DNAH6: variants seen among roughly 807,000 people sequenced by gnomAD.
DNAH6 encodes axonemal beta dynein heavy chain 6.
A neutral mutation model predicts 491.4 loss-of-function variants in DNAH6; 340 were observed. That is an observed-to-expected ratio of 0.69 (90% CI 0.63 to 0.76). The LOEUF (loss-of-function observed/expected upper bound fraction) is 0.76, where lower values mean the gene tolerates loss of function less well. Among genes scored for constraint, DNAH6 ranks in the 30% least tolerant of loss-of-function variants. DNAH6 has a pLI of 0.00. For synonymous variants in DNAH6, 1,603 were observed against 1,686.1 expected, an observed-to-expected ratio of 0.95 and a Z score of 1.21; for missense variants, 4,443 against 4,972.2, an observed-to-expected ratio of 0.89 and a Z score of 3.20.
At chr2:84,634,717 G>A in intron 30 of DNAH6, 76 bp downstream of exon 30, 1 of 1,390,338 alleles carries the variant, frequency 7.2e-7, no homozygotes, top group Non-Finnish European at 9.4e-7. Context: ...TTACATTTTA[G>A]GAAGGAGATG....
At chr2:84,772,829 C>A (rs1675761702) in intron 64 of DNAH6, among the ~76,000 whole-genome samples, 1 of 151,948 alleles carries the variant, frequency 6.6e-6, no homozygotes. Flanking sequence ...CTGTACCCAA[C>A]AATATCAGAA....
At chr2:84,544,604 T>C in intron 5 of DNAH6, 104 bp downstream of exon 5, 2 of 692,694 alleles carry the variant, frequency 2.9e-6, no homozygotes, top group East Asian at 2.8e-5. Context: ...AAATATTTTA[T>C]ATTCTTAAGA....
chr2:84,550,205 G>C, intron 9 of DNAH6, 148 bp downstream of exon 9: 1 of 648,244 alleles, frequency 1.5e-6, no homozygotes, highest in South Asian at 2.4e-5. Flanking sequence ...GGACACCAGA[G>C]ACCAGTTTCA....
chr2:84,726,432 C>T (rs1698637905), intron 60 of DNAH6, among the ~76,000 whole-genome samples: 2 of 152,204 alleles, frequency 1.3e-5, no homozygotes, highest in African/African-American at 4.8e-5. Flanking sequence ...CACATTCAGG[C>T]TCTGCTCAGC....
In DNAH6 at chr2:84,604,374, G is replaced by T. The variant is rs1370993042; in HGVS notation, c.2904G>T (p.Leu968Phe). Residue 968 changes from leucine (L) to phenylalanine (F), a missense_variant, in exon 19 of 77, where the codon TTG becomes TTT. This residue lies in a region of DNAH6 where 2,977 missense variants were observed against 3,296.6 expected (regional missense o/e 0.90). Coordinates refer to ENST00000389394, the MANE Select transcript of DNAH6 (RefSeq NM_001370.2). Reference protein sequence around the residue: ...PVIIDLRNPTLKARHWAAIEQ... With the variant: ...PVIIDLRNPTFKARHWAAIEQ... ...TCATTGACTTGAGGAACCCGACTTT[G>T]AAGGCAAGACATTGGGCAGCTATTG... 6.4e-7 allele frequency: 1 copy of T among 1,552,078 alleles called. No individual in the cohort carries two copies. Among genetic ancestry groups the T allele is most frequent in the Non-Finnish European group, 8.7e-7 (1 of 1,147,088 alleles).
At chr2:84,776,038 G>T (rs1676088961) in intron 64 of DNAH6, among the ~76,000 whole-genome samples, 2 of 152,054 alleles carry the variant, frequency 1.3e-5, no homozygotes, top group Non-Finnish European at 2.9e-5. Flanking sequence ...TTGGATAGTT[G>T]GTTGTATTGT....
At chr2:84,473,545 A>G in the DNAH6 span, among the ~76,000 whole-genome samples, 2 of 152,226 alleles carry the variant, frequency 1.3e-5, no homozygotes, top group Admixed American at 6.5e-5. Context: ...AGTTCCTCCA[A>G]TGCTTCTTTG....
intron 11 of DNAH6, among the ~76,000 whole-genome samples, chr2:84,570,929 C>G (rs540619491): frequency 6.6e-6 from 1 of 152,118 alleles, no homozygotes; most frequent in African/African-American, 2.4e-5. Context: ...ACCACGAACC[C>G]GCTGGGAGGA....
chr2:84,602,484 T>C (rs1392058835), intron 18 of DNAH6, among the ~76,000 whole-genome samples: 158 of 9,170 alleles, frequency 0.017, 3 homozygotes, highest in African/African-American at 0.037. Context: ...TTGTGTCCCT[T>C]TTTTTTTTTT....
At chr2:84,571,364 A>G (rs941110999) in intron 11 of DNAH6, among the ~76,000 whole-genome samples, 3 of 152,186 alleles carry the variant, frequency 2.0e-5, no homozygotes, top group Non-Finnish European at 2.9e-5. Flanking sequence ...AAAGGGGAAA[A>G]TAGTTCACAG....
At chr2:84,662,023 G>T (rs1341647062) in intron 37 of DNAH6, among the ~76,000 whole-genome samples, 2 of 152,034 alleles carry the variant, frequency 1.3e-5, no homozygotes, top group Non-Finnish European at 2.9e-5. Flanking sequence ...TTAATCTAGG[G>T]TGGTTATATT....
At chr2:84,515,352 A>G (rs1675521326), upstream of DNAH6, among the ~76,000 whole-genome samples, 1 of 152,190 alleles carries the variant, frequency 6.6e-6, no homozygotes, top group Admixed American at 6.5e-5. Flanking sequence ...TGTCTGTGGC[A>G]CAACTAGCTG....
At chr2:84,586,078 A>C (rs986759688) in intron 15 of DNAH6, among the ~76,000 whole-genome samples, 3 of 152,168 alleles carry the variant, frequency 2.0e-5, no homozygotes, top group African/African-American at 7.2e-5. Flanking sequence ...GCCTGCTCCC[A>C]CTGCCTGGCT....
intron 18 of DNAH6, among the ~76,000 whole-genome samples, chr2:84,600,353 T>G (rs1243973635): frequency 6.6e-6 from 1 of 152,208 alleles, no homozygotes; most frequent in Non-Finnish European, 1.5e-5. Context: ...TTGTCACCAC[T>G]AATGTACCAA....
At chr2:84,507,640 G>C in the DNAH6 span, among the ~76,000 whole-genome samples, 2 of 152,124 alleles carry the variant, frequency 1.3e-5, no homozygotes, top group African/African-American at 4.8e-5. Context: ...TCCCTGTCTT[G>C]TGCCAGTTTT....
rs1486228390 is a variant in DNAH6, at chr2:84,594,029, C to T, written c.2668C>T (p.Gln890Ter). The change falls in exon 17 of 77, where the codon CAA becomes TAA. Residue 890 changes from glutamine (Q) to a stop codon, truncating the protein, a stop_gained. Transcript: ENST00000389394. LOFTEE classifies it high-confidence loss of function. Reference sequence around the variant, plus strand: ...AGTCAGTGCTGAACTGAAGCTCAAACAATTGCTCTGGGATTCTTTCTCTGA... The same window carrying T: ...AGTCAGTGCTGAACTGAAGCTCAAATAATTGCTCTGGGATTCTTTCTCTGA... ...EEVSAELKLK[Q>*]LLWDSFSEWD... 1.9e-6 allele frequency: 3 copies of T among 1,550,950 alleles called. No individual in the cohort carries two copies. Among genetic ancestry groups the T allele is most frequent in the Admixed American group, 3.9e-5 (2 of 50,982 alleles).
At chr2:84,689,102 C>G (rs1694591164) in intron 45 of DNAH6, among the ~76,000 whole-genome samples, 1 of 152,182 alleles carries the variant, frequency 6.6e-6, no homozygotes, top group South Asian at 2.1e-4. Context: ...TGAAGTGGCT[C>G]CTGTCCTGTT....
At chr2:84,755,262 T>A (rs1593717) in intron 63 of DNAH6, among the ~76,000 whole-genome samples, 1 of 152,216 alleles carries the variant, frequency 6.6e-6, no homozygotes, top group East Asian at 1.9e-4. Context: ...TCTCTTGCTG[T>A]CTTGCTCTCT....
the DNAH6 span, among the ~76,000 whole-genome samples, chr2:84,480,410 A>G: frequency 6.6e-6 from 1 of 152,180 alleles, no homozygotes; most frequent in Non-Finnish European, 1.5e-5. Flanking sequence ...GTTGCACTGT[A>G]AGTACATTCC....
Sources: gnomAD v4.1 joint callset for allele counts (sites outside exome capture counted in the v4.1 genomes callset) on GRCh38, gnomAD v4.1.1 for gene constraint, gnomAD v4.1.1 regional missense constraint, MANE v1.5 for transcripts, NCBI Gene and HGNC (gene_info 2026-07-23, HGNC 2026-07-21) for gene names.